The following ABLIM3 variants were observed in gnomAD, a reference collection of about 807,000 sequenced individuals.
ABLIM3 encodes the protein actin binding LIM protein family member 3, also known as actin-binding LIM protein 3.
Under a neutral mutation model 109.5 loss-of-function variants are expected in ABLIM3, and 61 were observed. The observed-to-expected ratio is 0.56, with a 90% CI of 0.45 to 0.69. ABLIM3 has a LOEUF of 0.69. Among genes scored for constraint, ABLIM3 ranks in the 30% least tolerant of loss-of-function variants. The pLI, the probability that ABLIM3 is intolerant of heterozygous loss-of-function variation, is 0.00. For missense variants in ABLIM3, 796 were observed against 889.5 expected, an observed-to-expected ratio of 0.89 and a Z score of 1.34; for synonymous variants, 300 against 324.8, an observed-to-expected ratio of 0.92 and a Z score of 0.82.
At chr5:149,158,631 T>C (rs547744721) in intron 2 of ABLIM3, among the ~76,000 whole-genome samples, 234 of 152,306 alleles carry the variant, frequency 1.5e-3, no homozygotes, top group Non-Finnish European at 2.6e-3. Context: ...ACTAGTACTG[T>C]TACAAGATCA....
At chr5:149,251,556 TC>T (rs1267501160) in intron 21 of ABLIM3, 137 bp downstream of exon 21, 1 of 957,460 alleles carries the variant, frequency 1.0e-6, no homozygotes, top group Admixed American at 2.1e-5. Context: ...GAGTTCTTAC[TC>T]TCTTTCACTT....
At chr5:149,200,093 T>A (rs1238912563) in intron 4 of ABLIM3, among the ~76,000 whole-genome samples, 2 of 152,220 alleles carry the variant, frequency 1.3e-5, no homozygotes, top group African/African-American at 4.8e-5. Flanking sequence ...AGCATCATGA[T>A]CTGCCCAAAA....
intron 3 of ABLIM3, among the ~76,000 whole-genome samples, chr5:149,193,061 C>T (rs530648783): frequency 6.6e-6 from 1 of 151,868 alleles, no homozygotes; most frequent in Non-Finnish European, 1.5e-5. Flanking sequence ...ATGTATGAAC[C>T]TTGATAGATT....
chr5:149,150,627 T>G (rs548866758), intron 2 of ABLIM3, among the ~76,000 whole-genome samples: 1 of 152,230 alleles, frequency 6.6e-6, no homozygotes. Flanking sequence ...CTTGCTGAGA[T>G]AGCATCTGCT....
chr5:149,164,582 T>G (rs1754662314), intron 2 of ABLIM3, among the ~76,000 whole-genome samples: 1 of 152,052 alleles, frequency 6.6e-6, no homozygotes, highest in African/African-American at 2.4e-5. Flanking sequence ...AAACCCTGGG[T>G]CATGTGTTAT....
chr5:149,157,672 G>A (rs1347745598), intron 2 of ABLIM3, among the ~76,000 whole-genome samples: 2 of 152,038 alleles, frequency 1.3e-5, no homozygotes, highest in Admixed American at 6.6e-5. Context: ...TTCAGAAGAA[G>A]AAGTGTTTAT....
chr5:149,228,785 C>T (rs971865770), intron 8 of ABLIM3, among the ~76,000 whole-genome samples: 1 of 151,974 alleles, frequency 6.6e-6, no homozygotes, highest in Non-Finnish European at 1.5e-5. Context: ...TCCTCCTCTC[C>T]TTGTTTCTTA....
At chr5:149,185,910 C>T (rs887652431) in intron 3 of ABLIM3, among the ~76,000 whole-genome samples, 1 of 152,180 alleles carries the variant, frequency 6.6e-6, no homozygotes, top group Non-Finnish European at 1.5e-5. Flanking sequence ...TTATCTTAAA[C>T]CTTGGAGACC....
chr5:149,225,976 GTGTGTGTATATATATATATATATATATA>G (rs1443844830), intron 8 of ABLIM3, among the ~76,000 whole-genome samples: 803 of 38,538 alleles, frequency 0.021, 22 homozygotes, highest in African/African-American at 0.054. Context: ...GTGTGTGTGT[GTGTGTGTATATATATATATATATATATA>G]TATATATATA....
chr5:149,195,402 A>T (rs748072417), intron 3 of ABLIM3, among the ~76,000 whole-genome samples: 1 of 152,236 alleles, frequency 6.6e-6, no homozygotes, highest in Non-Finnish European at 1.5e-5. Context: ...TCCATCTGTC[A>T]TGCTGGTCCA....
At position 149,141,500 on chromosome 5, in the gene ABLIM3, G is replaced by C. The variant is rs562762077; in HGVS notation, c.-242G>C. 1.2e-3 allele frequency: 186 copies of C among 153,056 alleles called. No individual in the cohort carries two copies. The highest frequency in any genetic ancestry group is 3.4e-3 in the Middle Eastern group (1 of 292). 9.5% of individuals were successfully genotyped at this position (153,056 alleles called of 1,614,324 possible). On this transcript the variant is annotated 5_prime_UTR_variant, in exon 1 of 24. Transcript: ENST00000309868. ...GCAGCAGCGAGCGGCCGCGCCCCCT[G>C]CGCTGCCAACCCGCGAGCCCGCATC...
intron 2 of ABLIM3, among the ~76,000 whole-genome samples, chr5:149,174,021 CAAAAAAAAAAAAA>C (rs57000637): frequency 2.7e-4 from 11 of 40,218 alleles, no homozygotes; most frequent in African/African-American, 8.9e-4. Flanking sequence ...GACTCCGTCT[CAAAAAAAAAAAAA>C]AAAAAAAAAA....
intron 20 of ABLIM3, 120 bp downstream of exon 20, chr5:149,250,625 T>A: frequency 8.3e-7 from 1 of 1,204,442 alleles, no homozygotes; most frequent in East Asian, 2.5e-5. Flanking sequence ...GTGGGTTAAC[T>A]GACACAACTG....
At chr5:149,210,309 G>T (rs1759414716) in intron 6 of ABLIM3, among the ~76,000 whole-genome samples, 1 of 152,134 alleles carries the variant, frequency 6.6e-6, no homozygotes, top group Non-Finnish European at 1.5e-5. Flanking sequence ...AGTTACTAAA[G>T]TGTGCTATGC....
At chr5:149,231,707 C>T (rs1245421866) in intron 9 of ABLIM3, among the ~76,000 whole-genome samples, 4 of 152,206 alleles carry the variant, frequency 2.6e-5, no homozygotes, top group African/African-American at 9.7e-5. Flanking sequence ...TCCCTTTCTT[C>T]ATTTTCCTCC....
chr5:149,192,742 GATC>G (rs1377713945), intron 3 of ABLIM3, among the ~76,000 whole-genome samples: 18 of 151,558 alleles, frequency 1.2e-4, no homozygotes, highest in African/African-American at 4.1e-4. Context: ...ATCTAGCAAT[GATC>G]ATCAATAGCC....
chr5:149,236,199 G>A (rs993354982), intron 10 of ABLIM3, among the ~76,000 whole-genome samples: 1 of 152,198 alleles, frequency 6.6e-6, no homozygotes, highest in Non-Finnish European at 1.5e-5. Flanking sequence ...TGGGTCTAGG[G>A]GCAACAGAGA....
chr5:149,143,970 C>A lies in ABLIM3; in HGVS notation c.13+1862C>A, dbSNP rs150927821. ...AGGAACTAAGAAAAGAAACAGGCAACTGACTCTGCCCTTTTCTCTCTCTGG... is the reference window on the plus strand; with the variant it reads ...AGGAACTAAGAAAAGAAACAGGCAAATGACTCTGCCCTTTTCTCTCTCTGG... On this transcript the variant is annotated intron_variant, in intron 2 of 23. Coordinates refer to ENST00000309868, the MANE Select transcript of ABLIM3 (RefSeq NM_014945.5). Among the ~76,000 whole-genome samples, 930 of 152,258 alleles carry A rather than the reference C, an allele frequency of 6.1e-3. 8 individuals carry two copies. Among genetic ancestry groups the A allele is most frequent in the African/African-American group, 0.021 (886 of 41,550 alleles).
At chr5:149,155,719 G>A (rs943677559) in intron 2 of ABLIM3, among the ~76,000 whole-genome samples, 13 of 152,164 alleles carry the variant, frequency 8.5e-5, no homozygotes, top group Admixed American at 7.9e-4. Flanking sequence ...GATGGAGACC[G>A]AAATAAAAAG....
Sources: allele counts gnomAD v4.1 joint callset (sites outside exome capture counted in the v4.1 genomes callset), GRCh38; gene constraint gnomAD v4.1.1; transcripts MANE v1.5; gene names NCBI Gene and HGNC (gene_info 2026-07-23, HGNC 2026-07-21).